The following ZNF462 variants were observed in gnomAD, a reference collection of about 807,000 sequenced individuals.
ZNF462 encodes zinc finger PBX1-interacting protein.
A neutral mutation model predicts 201.9 loss-of-function variants in ZNF462; 10 were observed. That is an observed-to-expected ratio of 0.05 (90% CI 0.03 to 0.08). The LOEUF (loss-of-function observed/expected upper bound fraction) is 0.08, where lower values mean the gene tolerates loss of function less well. ZNF462 is among the 10% of genes least tolerant of loss of function. The pLI, the probability that ZNF462 is intolerant of heterozygous loss-of-function variation, is 1.00. For synonymous variants in ZNF462, 1,227 were observed against 1,193.3 expected (o/e 1.03, Z -0.58); for missense variants, 2,523 against 3,168.3 (o/e 0.80, Z 4.89).
chr9:106,953,177 G>A (rs536973532), intron 7 of ZNF462, among the ~76,000 whole-genome samples: 29 of 152,240 alleles, frequency 1.9e-4, no homozygotes, highest in South Asian at 4.2e-4. Context: ...TTTGCTTTTC[G>A]TAAACTGCTA....
chr9:106,935,568 T>C lies in ZNF462; in HGVS notation c.6182T>C (p.Phe2061Ser). 1 of 1,614,102 alleles carries C rather than the reference T, an allele frequency of 6.2e-7. No individual in the cohort carries two copies. The highest frequency in any genetic ancestry group is 8.5e-7 in the Non-Finnish European group (1 of 1,179,986). The change falls in exon 6 of 13, where the codon TTC (phenylalanine) becomes TCC (serine). Residue 2061 changes from phenylalanine to serine, a missense_variant. Coordinates refer to ENST00000277225, the MANE Select transcript of ZNF462 (RefSeq NM_021224.6). The surrounding 1 kb of genome is among the most constrained non-coding windows in gnomAD (Gnocchi z 4.1). Reference protein sequence around the residue: ...HKPFRCKLCSFKSSYNSRLKT... With the variant: ...HKPFRCKLCSSKSSYNSRLKT... ...CCATTCCGATGCAAACTCTGCTCCT[T>C]CAAGTCCTCCTATAACAGCCGGCTG...
In ZNF462 at chr9:107,003,575, A is replaced by G; in HGVS notation, c.7189+149A>G. On this transcript the variant is annotated intron_variant, in intron 11 of 12. Transcript: ENST00000277225. The surrounding 1 kb of genome is among the most constrained non-coding windows in gnomAD (Gnocchi z 4.4). ...AACAGACTGACTTAGAAAACACATCAAGAGCTGTGTCTTTGTAAACTATTA... is the reference window on the plus strand; with the variant it reads ...AACAGACTGACTTAGAAAACACATCGAGAGCTGTGTCTTTGTAAACTATTA... 1 of 1,010,556 alleles carries G rather than the reference A, an allele frequency of 9.9e-7. No homozygotes were observed. The highest frequency in any genetic ancestry group is 1.3e-6 in the Non-Finnish European group (1 of 742,346). 62.6% of individuals were successfully genotyped at this position (1,010,556 alleles called of 1,614,324 possible). A position where few individuals can be genotyped will look rare whatever the true frequency, so the allele number is the denominator to read the frequency against.
intron 10 of ZNF462, among the ~76,000 whole-genome samples, chr9:106,988,069 A>G (rs547110901): frequency 6.6e-6 from 1 of 152,274 alleles, no homozygotes; most frequent in East Asian, 1.9e-4. Context: ...GGAACAGCAT[A>G]GTACAGTTTG....
At chr9:106,936,949 A>C (rs1453073820) in intron 6 of ZNF462, among the ~76,000 whole-genome samples, 2 of 152,220 alleles carry the variant, frequency 1.3e-5, no homozygotes, top group Non-Finnish European at 2.9e-5. Context: ...GATTGGGAGC[A>C]GTGTAATTCA....
At chr9:106,979,823 AAC>A (rs1240014808) in intron 9 of ZNF462, among the ~76,000 whole-genome samples, 1 of 152,188 alleles carries the variant, frequency 6.6e-6, no homozygotes, top group Non-Finnish European at 1.5e-5. Flanking sequence ...TTAGGGATGA[AAC>A]ACAGTTTTGC....
rs1468366250 is a variant in ZNF462 at position 106,932,759 on chromosome 9, G to A, written c.6116+210G>A. On this transcript the variant is annotated intron_variant, in intron 5 of 12. Coordinates refer to ENST00000277225, the MANE Select transcript of ZNF462 (RefSeq NM_021224.6). The surrounding 1 kb of genome is among the most constrained non-coding windows in gnomAD (Gnocchi z 6.8). ...ATGGCGTTAGATTTGGCAAATGCAG[G>A]CATTTTAAAAATGAGAATTGGAGGA... 3.1e-6 allele frequency: 2 copies of A among 638,080 alleles called. No homozygotes were observed. Among genetic ancestry groups the A allele is most frequent in the Non-Finnish European group, 5.4e-6 (2 of 372,844 alleles). 39.5% of individuals were successfully genotyped at this position (638,080 alleles called of 1,614,324 possible).
rs534476786 is a variant in ZNF462 at position 106,970,479 on chromosome 9, T to C, written c.6428-1526T>C. On this transcript the variant is annotated intron_variant, in intron 7 of 12. Transcript: ENST00000277225. The surrounding 1 kb of genome is among the most constrained non-coding windows in gnomAD (Gnocchi z 4.2). ...TGGATGGTGCTGGTTTCATCAAATATGGGTTTTAGAGAATTCCTCCATGTC... is the reference window on the plus strand; with the variant it reads ...TGGATGGTGCTGGTTTCATCAAATACGGGTTTTAGAGAATTCCTCCATGTC... Among the ~76,000 whole-genome samples the C allele has an allele frequency of 3.9e-5, 6 of 152,334 alleles. No homozygotes were observed. Among genetic ancestry groups the C allele is most frequent in the Non-Finnish European group, 7.3e-5 (5 of 68,030 alleles).
intron 6 of ZNF462, among the ~76,000 whole-genome samples, chr9:106,936,016 A>G (rs919872801): frequency 1.1e-4 from 16 of 152,374 alleles, no homozygotes; most frequent in African/African-American, 3.8e-4. Context: ...GAAGTTAGAA[A>G]GGGCAAAGGG....
At chr9:106,995,238 T>C (rs531144794) in intron 10 of ZNF462, among the ~76,000 whole-genome samples, 4 of 152,284 alleles carry the variant, frequency 2.6e-5, no homozygotes, top group African/African-American at 4.8e-5. Flanking sequence ...TTAGGTATGA[T>C]GGAAATATGT....
In ZNF462 at chr9:106,929,565, C is replaced by T; in HGVS notation, c.5653C>T (p.Pro1885Ser). The change falls in exon 3 of 13, where the codon CCC becomes TCC. Residue 1885 changes from proline (P) to serine (S), a missense_variant. Transcript: ENST00000277225. The surrounding 1 kb of genome is among the most constrained non-coding windows in gnomAD (Gnocchi z 8.7). The stretch of plus-strand genomic sequence containing the variant: ...GGACTTCATCATTCTGGGCAACGGC[C>T]CCCGCTTGCAGAACTCCACCTACCA... ...KRDFIILGNG[P>S]RLQNSTYQCK... The T allele has an allele frequency of 6.2e-7, 1 of 1,614,154 alleles. No individual in the cohort carries two copies. The highest frequency in any genetic ancestry group is 8.5e-7 in the Non-Finnish European group (1 of 1,180,038).
intron 1 of ZNF462, among the ~76,000 whole-genome samples, chr9:106,867,574 G>GA (rs11336568): frequency 1.6e-3 from 217 of 134,762 alleles, no homozygotes; most frequent in Admixed American, 1.8e-3. Flanking sequence ...AACTTTTAGA[G>GA]AAAAAAAAAA....
Position 106,993,113 on chromosome 9 carries a change from A to T in ZNF462, c.7056+8704A>T, listed in dbSNP as rs1232922796. Among the ~76,000 whole-genome samples the T allele has an allele frequency of 6.6e-6, 1 of 152,140 alleles. No individual in the cohort carries two copies. The highest frequency in any genetic ancestry group is 2.4e-5 in the African/African-American group (1 of 41,436). On this transcript the variant is annotated intron_variant, in intron 10 of 12. Transcript: ENST00000277225. The surrounding 1 kb of genome is among the most constrained non-coding windows in gnomAD (Gnocchi z 4.0). ...GTGGTGGGGAGAATCTACAGAATAA[A>T]CTATAAGACACGTAGAATGTATTTT...
chr9:106,915,549 G>A (rs1278681607), intron 1 of ZNF462, among the ~76,000 whole-genome samples: 1 of 152,196 alleles, frequency 6.6e-6, no homozygotes, highest in Admixed American at 6.5e-5. Flanking sequence ...AACACATATG[G>A]ATGTTTCTCC....
At chr9:107,002,037 C>T (rs747201883) in intron 10 of ZNF462, among the ~76,000 whole-genome samples, 1 of 152,102 alleles carries the variant, frequency 6.6e-6, no homozygotes, top group South Asian at 2.1e-4. Context: ...TTGTCACAGT[C>T]GATAATGATG....
At position 106,993,655 on chromosome 9, in the gene ZNF462, C is replaced by T. The variant is rs1338225477; in HGVS notation, c.7056+9246C>T. 6.6e-6 allele frequency among the ~76,000 whole-genome samples: 1 copy of T among 151,316 alleles called. No homozygotes were observed. Among genetic ancestry groups the T allele is most frequent in the African/African-American group, 2.4e-5 (1 of 41,122 alleles). On this transcript the variant is annotated intron_variant, in intron 10 of 12. Coordinates refer to ENST00000277225, the MANE Select transcript of ZNF462 (RefSeq NM_021224.6). The surrounding 1 kb of genome is among the most constrained non-coding windows in gnomAD (Gnocchi z 4.0). ...TCTCCCTTCCTTCACTCCCTGCATT[C>T]TCTGTCCCCCAACATTCTACCCCCC...
chr9:106,927,985 C>A lies in ZNF462; in HGVS notation c.4073C>A (p.Pro1358His), dbSNP rs762032929. The change falls in exon 3 of 13, where the codon CCC becomes CAC. Residue 1358 changes from proline to histidine, a missense_variant. Physicochemically the swap from Pro to His is moderately conservative, Grantham distance 77 (BLOSUM62 -2). Transcript: ENST00000277225. ...TGGGCTGGGCCAGACCCATCCCCTC[C>A]CTCTCTCACAATGCCAGCCGAAGCC... The part of the protein sequence containing the change: ...KLWAGPDPSP[P>H]SLTMPAEAKT... The A allele has an allele frequency of 3.1e-6, 5 of 1,614,182 alleles. No individual in the cohort carries two copies. The South Asian group carries it at 4.4e-5, about 14-fold the overall frequency.
chr9:106,927,084 G>A lies in ZNF462; in HGVS notation c.3172G>A (p.Ala1058Thr), dbSNP rs1175873854. ...HYQKKHPEEK[A>T]SYFRIQKTMR... The stretch of plus-strand genomic sequence containing the variant: ...TCAGAAGAAACACCCCGAAGAAAAG[G>A]CTTCCTACTTTAGGATCCAGAAAAC... The change falls in exon 3 of 13, where the codon GCT (alanine) becomes ACT (threonine). Residue 1058 changes from alanine to threonine, a missense_variant. By Grantham distance (58) the Ala-to-Thr change is moderately conservative (BLOSUM62 0). This residue lies in a region of ZNF462 where 280 missense variants were observed against 321.3 expected (regional missense o/e 0.87). Coordinates refer to ENST00000277225, the MANE Select transcript of ZNF462 (RefSeq NM_021224.6). 6.2e-7 allele frequency: 1 copy of A among 1,613,992 alleles called. No individual in the cohort carries two copies. Among genetic ancestry groups the A allele is most frequent in the Non-Finnish European group, 8.5e-7 (1 of 1,179,988 alleles).
At chr9:106,871,438 A>G (rs1827586012) in intron 1 of ZNF462, among the ~76,000 whole-genome samples, 1 of 152,250 alleles carries the variant, frequency 6.6e-6, no homozygotes, top group South Asian at 2.1e-4. Flanking sequence ...GGATGGGAGA[A>G]GGAAAAGAAG....
At chr9:106,879,171 C>G (rs1324479480) in intron 1 of ZNF462, among the ~76,000 whole-genome samples, 1 of 152,110 alleles carries the variant, frequency 6.6e-6, no homozygotes, top group Non-Finnish European at 1.5e-5. Context: ...AGTTCTGTTA[C>G]CACCGCTGTG....
Sources: allele counts gnomAD v4.1 joint callset (sites outside exome capture counted in the v4.1 genomes callset), GRCh38; gene constraint gnomAD v4.1.1; regional missense constraint gnomAD v4.1.1; non-coding constraint Gnocchi (gnomAD v3.1); transcripts MANE v1.5; gene names NCBI Gene and HGNC (gene_info 2026-07-23, HGNC 2026-07-21).